Variants in RBM44 observed in about 807,000 individuals in gnomAD.
RBM44 encodes RNA binding motif protein 44, also known as RNA-binding protein 44.
RBM44 carries 66 observed loss-of-function variants against 105.1 expected under a neutral mutation model. The observed-to-expected ratio is 0.63, with a 90% CI of 0.52 to 0.77. The LOEUF (loss-of-function observed/expected upper bound fraction) is 0.77, where lower values mean the gene tolerates loss of function less well. Among genes scored for constraint, RBM44 ranks in the 30% least tolerant of loss-of-function variants. The pLI, the probability that RBM44 is intolerant of heterozygous loss-of-function variation, is 0.00. For missense variants in RBM44, 1,122 were observed against 1,207.8 expected, an observed-to-expected ratio of 0.93 and a Z score of 1.05; for synonymous variants, 365 against 417.6, an observed-to-expected ratio of 0.87 and a Z score of 1.54.
intron 1 of RBM44, among the ~76,000 whole-genome samples, chr2:237,800,295 A>ATTCTTAATAT (rs1324598032): frequency 1.3e-5 from 2 of 152,160 alleles, no homozygotes. Context: ...TCATTTGCTC[A>ATTCTTAATAT]TTCTTAATAT....
At chr2:237,808,660 G>T (rs1217534329) in intron 1 of RBM44, among the ~76,000 whole-genome samples, 1 of 152,036 alleles carries the variant, frequency 6.6e-6, no homozygotes, top group Non-Finnish European at 1.5e-5. Flanking sequence ...ACAGAAGCAA[G>T]GTAGGAGATG....
At chr2:237,835,718 A>G (rs184699639) in intron 15 of RBM44, among the ~76,000 whole-genome samples, 16 of 152,252 alleles carry the variant, frequency 1.1e-4, no homozygotes, top group African/African-American at 3.9e-4. Flanking sequence ...AAAAGTGTGA[A>G]GCTAACAGAG....
In RBM44 at chr2:237,821,265, A is replaced by G. The variant is rs1188962161; in HGVS notation, c.2097+11A>G. On this transcript the variant is annotated intron_variant, in intron 6 of 15. Transcript: ENST00000316997. ...ACTTTTGCTTCCAGGGTATGTATAT[A>G]TGTTTTAGAAATAAAAAATTTTACT... is the stretch of plus-strand genomic sequence containing the variant. 2 of 1,567,810 alleles carry G rather than the reference A, an allele frequency of 1.3e-6. No individual in the cohort carries two copies. Among genetic ancestry groups the G allele is most frequent in the Non-Finnish European group, 1.7e-6 (2 of 1,157,476 alleles).
chr2:237,824,990 A>G (rs74272433), intron 10 of RBM44, among the ~76,000 whole-genome samples: 3,800 of 151,406 alleles, frequency 0.025, 63 homozygotes, highest in Middle Eastern at 0.09. Flanking sequence ...TTTATTTTCC[A>G]TATCAGCATT....
At position 237,818,191 on chromosome 2, in the gene RBM44, A is replaced by G; in HGVS notation, c.1272A>G (p.Ile424Met). The stretch of plus-strand genomic sequence containing the variant: ...TCGCAGTCAGAGATAATCAGGCAAT[A>G]GAAGATAATACGTCCCTAAAAGTTG... ...PKIAVRDNQA[I>M]EDNTSLKVAH... Residue 424 changes from isoleucine (I) to methionine (M), a missense_variant, in exon 3 of 16, where the codon ATA becomes ATG. Physicochemically the swap from Ile to Met is conservative, Grantham distance 10. Transcript: ENST00000316997. This position sits in a 1 kb window ranked among gnomAD's most constrained non-coding sequence, Gnocchi z 4.6. 6.2e-7 allele frequency: 1 copy of G among 1,613,292 alleles called. No individual in the cohort carries two copies. Among genetic ancestry groups the G allele is most frequent in the East Asian group, 2.2e-5 (1 of 44,864 alleles).
At position 237,829,496 on chromosome 2, in the gene RBM44, C is replaced by G. The variant is rs752999301; in HGVS notation, c.2880C>G (p.Ser960=). Residue 960 remains serine, a synonymous_variant, in exon 13 of 16, where the codon TCC becomes TCG. Coordinates refer to ENST00000316997, the MANE Select transcript of RBM44 (RefSeq NM_001080504.3). ...AGCAAGACAGTGAGGTTTTCCCTTC[C>G]GACCAGGTTAGTGTTTTTGATAGAT... ...GSEQDSEVFP[S]DQGVKKNCKQ... is the part of the protein sequence containing the mutation. The G allele has an allele frequency of 1.2e-6, 2 of 1,609,960 alleles. No homozygotes were observed. The highest frequency in any genetic ancestry group is 1.7e-6 in the Non-Finnish European group (2 of 1,178,274).
chr2:237,831,648 T>TTCTCTTTTGTCCCGATAATCTGA (rs1239288193), intron 13 of RBM44, among the ~76,000 whole-genome samples: 12 of 152,340 alleles, frequency 7.9e-5, no homozygotes, highest in Middle Eastern at 3.4e-3. Flanking sequence ...GTTTCTTTGC[T>TTCTCTTTTGTCCCGATAATCTGA]TCTCTTTTGT....
At chr2:237,826,784 AG>A (rs139489070) in intron 10 of RBM44, among the ~76,000 whole-genome samples, 3,766 of 152,248 alleles carry the variant, frequency 0.025, 159 homozygotes, top group African/African-American at 0.086. Flanking sequence ...TAAACAATAC[AG>A]TATAACAAGT....
intron 13 of RBM44, among the ~76,000 whole-genome samples, chr2:237,832,344 A>T (rs150746076): frequency 1.0e-3 from 152 of 152,054 alleles, no homozygotes; most frequent in African/African-American, 3.5e-3. Flanking sequence ...TGTAGAGACC[A>T]GGTCGTGCTA....
At chr2:237,829,789 T>G (rs2061885827) in intron 13 of RBM44, among the ~76,000 whole-genome samples, 1 of 152,202 alleles carries the variant, frequency 6.6e-6, no homozygotes, top group African/African-American at 2.4e-5. Flanking sequence ...TAACTAATTA[T>G]AATTTCATCT....
At chr2:237,809,165 AT>A (rs1018393790) in intron 1 of RBM44, among the ~76,000 whole-genome samples, 4 of 152,198 alleles carry the variant, frequency 2.6e-5, no homozygotes, top group East Asian at 1.9e-4. Flanking sequence ...TAGTCTATAT[AT>A]TTTTTTAATA....
In RBM44 at chr2:237,831,054, T is replaced by C. The variant is rs762736734; in HGVS notation, c.2886+1552T>C. On this transcript the variant is annotated intron_variant, in intron 13 of 15. Transcript: ENST00000316997. ...AAGATAAAGGGATCTCTTCTAACTG[T>C]GTCCTTTATCCAGTCCTTTCCTCAT... is the stretch of plus-strand genomic sequence containing the variant. Among the ~76,000 whole-genome samples, 8 of 152,120 alleles carry C rather than the reference T, an allele frequency of 5.3e-5. No individual in the cohort carries two copies. The South Asian group carries it at 1.5e-3, about 28-fold the overall frequency.
At chr2:237,809,808 T>A (rs2061638609) in intron 1 of RBM44, among the ~76,000 whole-genome samples, 1 of 152,234 alleles carries the variant, frequency 6.6e-6, no homozygotes, top group Non-Finnish European at 1.5e-5. Context: ...GGCTCATGCC[T>A]GTAATCCCAG....
Position 237,824,343 on chromosome 2 carries a change from C to G in RBM44, c.2373C>G (p.Ser791Arg), listed in dbSNP as rs767306209. Residue 791 changes from serine (S) to arginine (R), a missense_variant, in exon 10 of 16, where the codon AGC becomes AGG. This residue lies in a region of RBM44 where 918 missense variants were observed against 955.3 expected (regional missense o/e 0.96). Coordinates refer to ENST00000316997, the MANE Select transcript of RBM44 (RefSeq NM_001080504.3). ...TSEDWSDAKE[S>R]LTGVDVSGTQ... The stretch of plus-strand genomic sequence containing the variant: ...AAGACTGGTCTGATGCTAAAGAGAG[C>G]CTGACAGGAGTTGACGTCTCAGGGA... The G allele has an allele frequency of 6.2e-7, 1 of 1,612,578 alleles. No individual in the cohort carries two copies. Among genetic ancestry groups the G allele is most frequent in the Non-Finnish European group, 8.5e-7 (1 of 1,179,030 alleles).
intron 1 of RBM44, among the ~76,000 whole-genome samples, chr2:237,801,658 A>G (rs2061547517): frequency 6.6e-6 from 1 of 152,182 alleles, no homozygotes; most frequent in African/African-American, 2.4e-5. Context: ...TAATAACTCT[A>G]GTTATCTTAT....
Position 237,817,495 on chromosome 2 carries a change from A to C in RBM44, c.576A>C (p.Glu192Asp), listed in dbSNP as rs2061732495. 1 of 1,605,710 alleles carries C rather than the reference A, an allele frequency of 6.2e-7. No homozygotes were observed. ...EDSQQEYHSA[E>D]EQEYISNHLS... ...CACAGCAGGAATATCACAGTGCAGAAGAACAAGAATACATAAGTAACCATT... is the reference window on the plus strand; with the variant it reads ...CACAGCAGGAATATCACAGTGCAGACGAACAAGAATACATAAGTAACCATT... Residue 192 changes from glutamate (E) to aspartate (D), a missense_variant, in exon 3 of 16, where the codon GAA becomes GAC. Glu to Asp is a conservative substitution (Grantham distance 45). Around this residue, in one of 3 missense-constraint regions of RBM44, gnomAD observed 918 missense variants for 955.3 expected, o/e 0.96. Coordinates refer to ENST00000316997, the MANE Select transcript of RBM44 (RefSeq NM_001080504.3).
At chr2:237,799,754 G>C (rs1442098358) in intron 1 of RBM44, among the ~76,000 whole-genome samples, 1 of 152,222 alleles carries the variant, frequency 6.6e-6, no homozygotes, top group East Asian at 1.9e-4. Flanking sequence ...CCGTTGCTGA[G>C]TTTTAAGCAG....
At chr2:237,799,087 CTCATA>C (rs1576490397) in intron 1 of RBM44, 1 of 152,132 alleles carries the variant, frequency 6.6e-6, no homozygotes, top group African/African-American at 2.4e-5. Flanking sequence ...TTCCGGCGCC[CTCATA>C]GCGGGCGCCG....
chr2:237,811,579 C>T (rs971255478), intron 1 of RBM44, among the ~76,000 whole-genome samples: 2 of 151,840 alleles, frequency 1.3e-5, no homozygotes, highest in South Asian at 4.2e-4. Flanking sequence ...TACCATTTCT[C>T]TTTGCTCCAT....
Sources: allele counts gnomAD v4.1 joint callset (sites outside exome capture counted in the v4.1 genomes callset), GRCh38; gene constraint gnomAD v4.1.1; regional missense constraint gnomAD v4.1.1; non-coding constraint Gnocchi (gnomAD v3.1); transcripts MANE v1.5; gene names NCBI Gene and HGNC (gene_info 2026-07-23, HGNC 2026-07-21).